The following SCML4 variants were observed in gnomAD, a reference collection of about 807,000 sequenced individuals.
The protein encoded by SCML4 is Scm polycomb group protein like 4.
A neutral mutation model predicts 41.1 loss-of-function variants in SCML4; 34 were observed. The ratio of observed to expected loss-of-function variants is 0.83; its 90% confidence interval spans 0.63 to 1.10. SCML4 has a LOEUF of 1.10. SCML4 is among the 50% of genes least tolerant of loss of function. SCML4 has a pLI of 0.00. For missense variants in SCML4, 522 were observed against 534.1 expected, an observed-to-expected ratio of 0.98 and a Z score of 0.22; for synonymous variants, 214 against 220.9, an observed-to-expected ratio of 0.97 and a Z score of 0.28.
chr6:107,749,948 C>T lies in SCML4; in HGVS notation c.157-135G>A, dbSNP rs142613803. ...ACCTTTCCATCCTGCAGTTTCGGGG[C>T]CTGAGCTGCAGATTCAAGTTCATGC... is the stretch of plus-strand genomic sequence containing the variant. On this transcript the variant is annotated intron_variant, in intron 2 of 7. Transcript: ENST00000369020. 2.2e-4 allele frequency: 189 copies of T among 845,012 alleles called. No individual in the cohort carries two copies. In the East Asian group the frequency reaches 4.9e-3, roughly 22 times the overall value. The allele number at this position is 845,012 out of a possible 1,614,324, so 52.3% of individuals were successfully genotyped here. A position where few individuals can be genotyped will look rare whatever the true frequency, so the allele number is the denominator to read the frequency against.
intron 1 of SCML4, among the ~76,000 whole-genome samples, chr6:107,774,409 AC>A (rs1360354367): frequency 1.3e-5 from 2 of 152,126 alleles, no homozygotes; most frequent in African/African-American, 2.4e-5. Flanking sequence ...TAACATGTGA[AC>A]AAAAAAATCA....
At chr6:107,840,787 G>A in the SCML4 span, among the ~76,000 whole-genome samples, 1 of 152,082 alleles carries the variant, frequency 6.6e-6, no homozygotes, top group Admixed American at 6.6e-5. Context: ...AGGCAGCAAG[G>A]GAGGAGCCAT....
At chr6:107,716,947 G>T (rs1227121551) in intron 6 of SCML4, among the ~76,000 whole-genome samples, 1 of 151,986 alleles carries the variant, frequency 6.6e-6, no homozygotes, top group Non-Finnish European at 1.5e-5. Flanking sequence ...GTGCATGGCT[G>T]ACTGGCTGTT....
upstream of SCML4, chr6:107,824,460 CTCTG>C (rs1322372487): frequency 1.0e-4 from 12 of 120,256 alleles, no homozygotes; most frequent in African/African-American, 3.9e-4. Flanking sequence ...AAAACGAGGC[CTCTG>C]TGTGTGTGTG....
chr6:107,722,137 C>T (rs1029484130), intron 5 of SCML4, among the ~76,000 whole-genome samples: 1 of 151,860 alleles, frequency 6.6e-6, no homozygotes, highest in African/African-American at 2.4e-5. Context: ...GCACCATACC[C>T]GGCTAATTTT....
At chr6:107,826,912 A>C (rs892618271), upstream of SCML4, among the ~76,000 whole-genome samples, 49 of 151,294 alleles carry the variant, frequency 3.2e-4, no homozygotes, top group African/African-American at 1.2e-3. Flanking sequence ...AAATACAAAA[A>C]ATTAGCTGGG....
chr6:107,709,497 C>T (rs1774027254), intron 6 of SCML4, among the ~76,000 whole-genome samples: 1 of 152,222 alleles, frequency 6.6e-6, no homozygotes, highest in Admixed American at 6.5e-5. Context: ...CTCTCCTGTG[C>T]ACCACCTGTC....
At chr6:107,841,682 T>A in the SCML4 span, among the ~76,000 whole-genome samples, 4 of 152,226 alleles carry the variant, frequency 2.6e-5, no homozygotes, top group African/African-American at 9.6e-5. Flanking sequence ...TGGTGTATCA[T>A]AAGCACTCAA....
At chr6:107,726,394 A>G (rs1379987380) in intron 5 of SCML4, among the ~76,000 whole-genome samples, 2 of 151,734 alleles carry the variant, frequency 1.3e-5, no homozygotes, top group Admixed American at 6.6e-5. Context: ...TTAGCCGGGC[A>G]TGGTGGCAGG....
chr6:107,739,610 G>A (rs909370715), intron 5 of SCML4, among the ~76,000 whole-genome samples: 9 of 152,024 alleles, frequency 5.9e-5, no homozygotes, highest in African/African-American at 7.2e-5. Flanking sequence ...AATCCTGTTC[G>A]GGAACAATGT....
At chr6:107,723,226 C>A (rs1775610259) in intron 5 of SCML4, among the ~76,000 whole-genome samples, 1 of 152,096 alleles carries the variant, frequency 6.6e-6, no homozygotes, top group Non-Finnish European at 1.5e-5. Flanking sequence ...TTAAAAATAT[C>A]ATAAGTTGAA....
chr6:107,778,755 C>CAT, intron 1 of SCML4, among the ~76,000 whole-genome samples: 1 of 152,310 alleles, frequency 6.6e-6, no homozygotes, highest in South Asian at 2.1e-4. Context: ...GCCACTGGGT[C>CAT]ATACAAGAGT....
At chr6:107,834,945 A>C in the SCML4 span, among the ~76,000 whole-genome samples, 2 of 152,156 alleles carry the variant, frequency 1.3e-5, no homozygotes, top group African/African-American at 4.8e-5. Flanking sequence ...CTGAAAAAAA[A>C]AAAAGGAATT....
In SCML4 at chr6:107,735,400, G is replaced by A. The variant is rs188009677; in HGVS notation, c.682+9549C>T. Among the ~76,000 whole-genome samples the A allele has an allele frequency of 1.7e-3, 263 of 152,258 alleles. 1 individual carries two copies. The highest frequency in any genetic ancestry group is 5.7e-3 in the African/African-American group (236 of 41,542). ...CAGGTGCAAAGGCATCTGCAGGAAC[G>A]CACCTCTCTTCATTCCTTTCCTTTC... On this transcript the variant is annotated intron_variant, in intron 5 of 7. Transcript: ENST00000369020.
chr6:107,706,738 G>A (rs1222110750), intron 7 of SCML4, among the ~76,000 whole-genome samples: 2 of 152,166 alleles, frequency 1.3e-5, no homozygotes, highest in East Asian at 1.9e-4. Context: ...CTCCTTAAAC[G>A]TGGAAGAGGA....
rs1043412707 is a variant in SCML4 at position 107,744,930 on chromosome 6, G to T, written c.682+19C>A. ...CAGGGAGGTGTCCCTGCAGGTGGGG[G>T]AAGCAGGACAAGGCCTACCTGATTC... On this transcript the variant is annotated intron_variant, in intron 5 of 7. Transcript: ENST00000369020. The T allele has an allele frequency of 3.2e-6, 5 of 1,554,990 alleles. No homozygotes were observed. The African/African-American group carries it at 4.1e-5, about 13-fold the overall frequency.
Position 107,745,178 on chromosome 6 carries a change from G to T in SCML4, c.488-35C>A, listed in dbSNP as rs562131062. 6.1e-6 allele frequency: 9 copies of T among 1,474,282 alleles called. No individual in the cohort carries two copies. The East Asian group carries it at 2.0e-4, about 34-fold the overall frequency. 91.3% of individuals were successfully genotyped at this position (1,474,282 alleles called of 1,614,324 possible). On this transcript the variant is annotated intron_variant, in intron 4 of 7. Coordinates refer to ENST00000369020, the MANE Select transcript of SCML4 (RefSeq NM_198081.5). ...CAGAGAGATGTCAGCTTAGAGCCGG[G>T]CACTGGAGAAAACCGCAAGTCAATC...
At chr6:107,800,917 G>C (rs1583619587) in intron 1 of SCML4, among the ~76,000 whole-genome samples, 1 of 152,318 alleles carries the variant, frequency 6.6e-6, no homozygotes, top group African/African-American at 2.4e-5. Flanking sequence ...TTGGGAGCAA[G>C]TGCTCCCCAA....
chr6:107,839,170 G>A, the SCML4 span, among the ~76,000 whole-genome samples: 1,729 of 152,020 alleles, frequency 0.011, 25 homozygotes, highest in African/African-American at 0.039. Context: ...AAATATGCCT[G>A]TAGTCTCACC....
Sources: allele counts gnomAD v4.1 joint callset (sites outside exome capture counted in the v4.1 genomes callset), GRCh38; gene constraint gnomAD v4.1.1; transcripts MANE v1.5; gene names NCBI Gene and HGNC (gene_info 2026-07-23, HGNC 2026-07-21).